Variants in KATNAL2 observed in about 807,000 individuals in gnomAD.
The protein encoded by KATNAL2 is katanin p60 ATPase-containing subunit A-like 2.
KATNAL2 carries 52 observed loss-of-function variants against 76.3 expected under a neutral mutation model. That is an observed-to-expected ratio of 0.68 (90% CI 0.55 to 0.86). The LOEUF (loss-of-function observed/expected upper bound fraction) is 0.86. Ranked by LOEUF, KATNAL2 falls within the 40% of genes least tolerant of loss-of-function variation. The probability of loss-of-function intolerance (pLI) is 0.00; values close to 1 mark genes in which losing one functional copy is unlikely to be tolerated. For synonymous variants in KATNAL2, 243 were observed against 244.2 expected (o/e 1.00, Z 0.05); for missense variants, 660 against 668.9 (o/e 0.99, Z 0.15).
At chr18:47,031,299 G>C (rs114107537) in intron 3 of KATNAL2, among the ~76,000 whole-genome samples, 4 of 152,020 alleles carry the variant, frequency 2.6e-5, no homozygotes, top group African/African-American at 9.7e-5. Flanking sequence ...TTACCTTTCA[G>C]TCCGAATGAG....
chr18:47,031,539 C>G (rs12458820), intron 3 of KATNAL2, among the ~76,000 whole-genome samples: 8,661 of 152,172 alleles, frequency 0.057, 522 homozygotes, highest in African/African-American at 0.14. Context: ...TATAAGTACC[C>G]TTCCACAGTT....
chr18:46,957,249 C>CTTTTTTTTTTT (rs1223846865), intron 3 of KATNAL2, among the ~76,000 whole-genome samples: 1 of 73,914 alleles, frequency 1.4e-5, no homozygotes, highest in African/African-American at 5.6e-5. Context: ...TTGCCCTCTT[C>CTTTTTTTTTTT]TTTTTTTTTT....
At chr18:47,098,942 C>T (rs1168252410) in intron 15 of KATNAL2, 2 of 247,342 alleles carry the variant, frequency 8.1e-6, no homozygotes, top group Non-Finnish European at 1.6e-5. Context: ...AAAATTACTT[C>T]CTTTTCATTA....
At chr18:47,032,983 C>G in intron 3 of KATNAL2, 1 of 1,613,954 alleles carries the variant, frequency 6.2e-7, no homozygotes, top group African/African-American at 1.3e-5. Flanking sequence ...CAGATTTTAT[C>G]TGCAAGGCAA....
At chr18:46,918,438 C>G (rs910728923) in intron 1 of KATNAL2, among the ~76,000 whole-genome samples, 1 of 152,156 alleles carries the variant, frequency 6.6e-6, no homozygotes, top group South Asian at 2.1e-4. Context: ...CCTTCCACTC[C>G]CCTGCCCCCG....
intron 3 of KATNAL2, chr18:47,034,460 C>T: frequency 6.2e-7 from 1 of 1,614,170 alleles, no homozygotes; most frequent in Non-Finnish European, 8.5e-7. Context: ...CTGGCACTTG[C>T]CCAGGAGGGC....
intron 3 of KATNAL2, among the ~76,000 whole-genome samples, chr18:46,954,055 T>A (rs2059648646): frequency 6.6e-6 from 1 of 152,084 alleles, no homozygotes; most frequent in African/African-American, 2.4e-5. Context: ...TTCACCTCTC[T>A]CTTCAGTATA....
chr18:47,083,160 T>A (rs2062610718), intron 15 of KATNAL2, among the ~76,000 whole-genome samples: 1 of 152,218 alleles, frequency 6.6e-6, no homozygotes, highest in Non-Finnish European at 1.5e-5. Context: ...TTTCCGGAAG[T>A]CAGTTTACTG....
intron 4 of KATNAL2, among the ~76,000 whole-genome samples, chr18:47,052,172 C>G (rs1413529446): frequency 6.6e-6 from 1 of 152,144 alleles, no homozygotes; most frequent in Non-Finnish European, 1.5e-5. Context: ...GAGACACAGC[C>G]CTTGCTTCCA....
At chr18:46,926,302 T>G (rs2058728240) in intron 1 of KATNAL2, among the ~76,000 whole-genome samples, 1 of 152,230 alleles carries the variant, frequency 6.6e-6, no homozygotes, top group Non-Finnish European at 1.5e-5. Context: ...TCTCGTTGGT[T>G]TCAAAGAACA....
At chr18:46,956,155 T>A (rs2059740459) in intron 3 of KATNAL2, among the ~76,000 whole-genome samples, 1 of 152,178 alleles carries the variant, frequency 6.6e-6, no homozygotes, top group South Asian at 2.1e-4. Flanking sequence ...TATTGTAGGG[T>A]CTGGTGGCTG....
chr18:47,035,290 T>C (rs1217676460), intron 3 of KATNAL2: 1 of 1,611,874 alleles, frequency 6.2e-7, no homozygotes, highest in Admixed American at 1.7e-5. Flanking sequence ...CAGGCGTCGC[T>C]GTCCCGGCGG....
At chr18:47,041,166 C>T (rs2060949660) in intron 3 of KATNAL2, among the ~76,000 whole-genome samples, 1 of 152,212 alleles carries the variant, frequency 6.6e-6, no homozygotes, top group African/African-American at 2.4e-5. Context: ...TCCCAAAATA[C>T]AGTGGTATGT....
At chr18:46,930,661 C>G (rs1235948220) in intron 1 of KATNAL2, among the ~76,000 whole-genome samples, 1 of 151,482 alleles carries the variant, frequency 6.6e-6, no homozygotes, top group Non-Finnish European at 1.5e-5. Context: ...ACTGAAAATA[C>G]AAAAATTAGT....
chr18:47,025,196 C>T, intron 3 of KATNAL2, among the ~76,000 whole-genome samples: 1 of 128,830 alleles, frequency 7.8e-6, no homozygotes, highest in South Asian at 2.8e-4. Context: ...GTAGCCATGG[C>T]TTCGTGCTTG....
intron 13 of KATNAL2, among the ~76,000 whole-genome samples, chr18:47,073,935 T>C (rs1270764525): frequency 6.6e-6 from 1 of 152,228 alleles, no homozygotes; most frequent in Non-Finnish European, 1.5e-5. Context: ...GTGTTTGGTC[T>C]AGCAGAGGCT....
At chr18:47,051,099 A>G (rs1247460442) in intron 4 of KATNAL2, among the ~76,000 whole-genome samples, 3 of 152,098 alleles carry the variant, frequency 2.0e-5, no homozygotes, top group Non-Finnish European at 4.4e-5. Flanking sequence ...ATGGCCCAGT[A>G]TTGCACACTA....
intron 3 of KATNAL2, among the ~76,000 whole-genome samples, chr18:47,030,950 C>T (rs2060378597): frequency 1.4e-5 from 1 of 72,802 alleles, no homozygotes; most frequent in Non-Finnish European, 2.7e-5. Context: ...GCTCTGCTAG[C>T]GAGCAGATGT....
intron 10 of KATNAL2, among the ~76,000 whole-genome samples, chr18:47,064,839 T>C (rs1183796876): frequency 6.6e-6 from 1 of 152,148 alleles, no homozygotes; most frequent in Non-Finnish European, 1.5e-5. Flanking sequence ...CATGAGGTAG[T>C]CCTGTTGAGT....
Sources: allele counts gnomAD v4.1 joint callset (sites outside exome capture counted in the v4.1 genomes callset), GRCh38; gene constraint gnomAD v4.1.1; transcripts MANE v1.5; gene names NCBI Gene and HGNC (gene_info 2026-07-23, HGNC 2026-07-21).